AMPD1: variants seen among roughly 807,000 people sequenced by gnomAD.
The protein encoded by AMPD1 is AMP deaminase 1.
AMPD1 carries 74 observed loss-of-function variants against 82.9 expected under a neutral mutation model. The observed-to-expected ratio is 0.89, with a 90% CI of 0.74 to 1.08. AMPD1 has a LOEUF of 1.08. Ranked by LOEUF, AMPD1 falls within the 50% of genes least tolerant of loss-of-function variation. The pLI is 0.00. For synonymous variants in AMPD1, 333 were observed against 320.5 expected (o/e 1.04, Z -0.42); for missense variants, 881 against 924.5 (o/e 0.95, Z 0.61).
intron 7 of AMPD1, among the ~76,000 whole-genome samples, chr1:114,678,819 C>G (rs1417427447): frequency 1.3e-5 from 2 of 152,220 alleles, no homozygotes; most frequent in Non-Finnish European, 1.5e-5. Context: ...CTGGACCATT[C>G]TTCACTCCTA....
At chr1:114,680,166 ATACT>A in intron 6 of AMPD1, 89 bp downstream of exon 6, 1 of 1,133,252 alleles carries the variant, frequency 8.8e-7, no homozygotes, top group Non-Finnish European at 1.3e-6. Context: ...CATTTAGTAA[ATACT>A]TAGTCTCACT....
In AMPD1 at chr1:114,686,741, T is replaced by G; in HGVS notation, c.381+4A>C. 6.2e-7 allele frequency: 1 copy of G among 1,613,942 alleles called. No individual in the cohort carries two copies. Among genetic ancestry groups the G allele is most frequent in the Non-Finnish European group, 8.5e-7 (1 of 1,179,882 alleles). ...CTAAGTCTGAGTGGCAAGGACCAACTCACCCCAGAGGCATAGTCACCAGTA... is the reference window on the plus strand; with the variant it reads ...CTAAGTCTGAGTGGCAAGGACCAACGCACCCCAGAGGCATAGTCACCAGTA... On this transcript the variant is annotated splice_donor_region_variant and intron_variant, in intron 4 of 15. Coordinates refer to ENST00000520113, the MANE Select transcript of AMPD1 (RefSeq NM_000036.3).
At chr1:114,673,561 T>G in intron 15 of AMPD1, 78 bp downstream of exon 15, 1 of 1,172,504 alleles carries the variant, frequency 8.5e-7, no homozygotes, top group Non-Finnish European at 1.3e-6. Flanking sequence ...TTTCTACATG[T>G]GTTTCCCAAC....
rs1341332693 is a variant in AMPD1, at chr1:114,688,656, G to C, written c.120C>G (p.Pro40=). Residue 40 remains proline (P), a synonymous_variant, in exon 3 of 16, where the codon CCC becomes CCG. Coordinates refer to ENST00000520113, the MANE Select transcript of AMPD1 (RefSeq NM_000036.3). ...TCGGACAGATCTCATCCACATCAAA[G>C]GGGGAAATCTCCTGACGACCTCCTT... ...KDEGGRQEIS[P]FDVDEICPIS... is the part of the protein sequence containing the mutation. The C allele has an allele frequency of 2.5e-6, 4 of 1,614,056 alleles. No individual in the cohort carries two copies. The African/African-American group carries it at 4.0e-5, about 16-fold the overall frequency.
At position 114,673,761 on chromosome 1, in the gene AMPD1, T is replaced by A. The variant is rs189530823; in HGVS notation, c.1975-12A>T. On this transcript the variant is annotated splice_polypyrimidine_tract_variant and intron_variant, in intron 14 of 15. Transcript: ENST00000520113. ...TCCATTAGGGGCTCCTGCAGTTATA[T>A]TAAATGAGGAAAAAAGAGGAGTGAA... 5.1e-5 allele frequency: 81 copies of A among 1,603,422 alleles called. No individual in the cohort carries two copies. The African/African-American group carries it at 1.0e-3, about 20-fold the overall frequency.
Position 114,677,934 on chromosome 1 carries a change from C to T in AMPD1, c.1200G>A (p.Gly400=), listed in dbSNP as rs1033810815. 6.2e-7 allele frequency: 1 copy of T among 1,613,384 alleles called. No homozygotes were observed. Among genetic ancestry groups the T allele is most frequent in the Non-Finnish European group, 8.5e-7 (1 of 1,179,924 alleles). Residue 400 remains glycine (G), a synonymous_variant, in exon 9 of 16, where the codon GGG becomes GGA. Coordinates refer to ENST00000520113, the MANE Select transcript of AMPD1 (RefSeq NM_000036.3). ...CCTTGATGATAGTGGCAAAATATTC[C>T]CCATTAATGTAATTGTCTGTCTTCA... is the stretch of plus-strand genomic sequence containing the variant. ...LYLKTDNYIN[G]EYFATIIKEV...
chr1:114,677,991 A>C lies in AMPD1; in HGVS notation c.1143T>G (p.Pro381=), dbSNP rs1557969692. 6.2e-7 allele frequency: 1 copy of C among 1,613,942 alleles called. No individual in the cohort carries two copies. Among genetic ancestry groups the C allele is most frequent in the Non-Finnish European group, 8.5e-7 (1 of 1,179,916 alleles). Residue 381 remains proline, a synonymous_variant, in exon 9 of 16, where the codon CCT becomes CCG. Coordinates refer to ENST00000520113, the MANE Select transcript of AMPD1 (RefSeq NM_000036.3). ...RFDKFNDKYN[P]VGASELRDLY... is the part of the protein sequence containing the mutation. Reference sequence around the variant, plus strand: ...GGTCCCGTAGCTCACTTGCTCCTACAGGATTATATTTGTCATTGAACTTAT... The same window carrying C: ...GGTCCCGTAGCTCACTTGCTCCTACCGGATTATATTTGTCATTGAACTTAT...
intron 1 of AMPD1, 33 bp from the exon 2 acceptor site, chr1:114,693,480 T>C (rs1658581603): frequency 1.3e-6 from 2 of 1,590,090 alleles, no homozygotes; most frequent in Non-Finnish European, 1.7e-6. Flanking sequence ...AGATAAAATA[T>C]GTGAACAACT....
rs374083491 is a variant in AMPD1, at chr1:114,682,723, C to G, written c.547+1476G>C. ...CCTCCGGAGTAGCTGGGACTACAGG[C>G]GCCCGCCACCACGCCTGGCTAATTT... On this transcript the variant is annotated intron_variant, in intron 5 of 15. Coordinates refer to ENST00000520113, the MANE Select transcript of AMPD1 (RefSeq NM_000036.3). 3.6e-3 allele frequency among the ~76,000 whole-genome samples: 555 copies of G among 152,222 alleles called. 3 individuals are homozygous for G. The highest frequency in any genetic ancestry group is 0.013 in the African/African-American group (521 of 41,540).
At chr1:114,681,886 G>A (rs1261888859) in intron 5 of AMPD1, among the ~76,000 whole-genome samples, 1 of 152,102 alleles carries the variant, frequency 6.6e-6, no homozygotes, top group East Asian at 1.9e-4. Context: ...ACCTAAAGTG[G>A]TTTTAATGTA....
At position 114,673,663 on chromosome 1, in the gene AMPD1, G is replaced by A; in HGVS notation, c.2061C>T (p.Val687=). Residue 687 remains valine (V), a synonymous_variant, in exon 15 of 16, where the codon GTC becomes GTT. Transcript: ENST00000520113. ...CCTCATGAGAAATTCCACACTGCAA[G>A]ACACTGTTCCTTGCCACTTCGCACA... The part of the protein sequence containing the change: ...CDMCEVARNS[V]LQCGISHEEK... 6.2e-7 allele frequency: 1 copy of A among 1,614,008 alleles called. No homozygotes were observed.
intron 2 of AMPD1, chr1:114,689,021 A>C (rs551597656): frequency 4.6e-6 from 3 of 652,958 alleles, no homozygotes; most frequent in South Asian, 4.1e-5. Context: ...CTGTTGTAGG[A>C]CTAGCACCTC....
rs760293009 is a variant in AMPD1, at chr1:114,674,824, A to G, written c.1728T>C (p.Ala576=). 6.2e-7 allele frequency: 1 copy of G among 1,614,024 alleles called. No individual in the cohort carries two copies. Among genetic ancestry groups the G allele is most frequent in the Non-Finnish European group, 8.5e-7 (1 of 1,179,878 alleles). ...CTGTCATGAGATGGGTGAGGGCTCC[A>G]GCTTCTCCACAGTGAGGTCGGAACA... ...TFLFRPHCGE[A]GALTHLMTAF... The change falls in exon 13 of 16, where the codon GCT becomes GCC. Residue 576 remains alanine, a synonymous_variant. Transcript: ENST00000520113.
chr1:114,685,290 C>A (rs953889521), intron 4 of AMPD1, among the ~76,000 whole-genome samples: 2 of 152,188 alleles, frequency 1.3e-5, no homozygotes, highest in Non-Finnish European at 2.9e-5. Flanking sequence ...ATCAGGTCCT[C>A]AAGAATGAGA....
At chr1:114,676,683 C>CA (rs1375000731) in intron 10 of AMPD1, among the ~76,000 whole-genome samples, 1 of 152,094 alleles carries the variant, frequency 6.6e-6, no homozygotes, top group African/African-American at 2.4e-5. Flanking sequence ...TTATCCCAGT[C>CA]AAAAAATTAC....
At chr1:114,677,327 A>C in intron 10 of AMPD1, 24 bp downstream of exon 10, 1 of 1,610,218 alleles carries the variant, frequency 6.2e-7, no homozygotes, top group South Asian at 1.1e-5. Flanking sequence ...CAGGCTCTAG[A>C]GTTTCTGATG....
intron 1 of AMPD1, among the ~76,000 whole-genome samples, chr1:114,694,699 C>T (rs572364251): frequency 6.6e-6 from 1 of 152,018 alleles, no homozygotes; most frequent in Non-Finnish European, 1.5e-5. Flanking sequence ...CAAAAACTAG[C>T]TGGGCGTGGT....
At chr1:114,695,220 C>T (rs551596896) in intron 1 of AMPD1, among the ~76,000 whole-genome samples, 1 of 152,196 alleles carries the variant, frequency 6.6e-6, no homozygotes, top group East Asian at 1.9e-4. Flanking sequence ...CTGGGATCAT[C>T]AAAGATGCAA....
At chr1:114,673,411 C>A in intron 15 of AMPD1, 139 bp from the exon 16 acceptor site, 1 of 1,059,910 alleles carries the variant, frequency 9.4e-7, no homozygotes. Flanking sequence ...TAAAAGCACC[C>A]ATCTAGTGCC....
Sources: allele counts gnomAD v4.1 joint callset (sites outside exome capture counted in the v4.1 genomes callset), GRCh38; gene constraint gnomAD v4.1.1; transcripts MANE v1.5; gene names NCBI Gene and HGNC (gene_info 2026-07-23, HGNC 2026-07-21).